SYTL2: variants seen among roughly 807,000 people sequenced by gnomAD.
The protein encoded by SYTL2 is synaptotagmin like 2.
A neutral mutation model predicts 198.7 loss-of-function variants in SYTL2; 165 were observed. The observed-to-expected ratio is 0.83, with a 90% CI of 0.73 to 0.94. The LOEUF (loss-of-function observed/expected upper bound fraction) is 0.94, where lower values mean the gene tolerates loss of function less well. SYTL2 is among the 40% of genes least tolerant of loss of function. The pLI, the probability that SYTL2 is intolerant of heterozygous loss-of-function variation, is 0.00. For missense variants in SYTL2, 2,835 were observed against 2,582.8 expected (o/e 1.10, Z -2.12); for synonymous variants, 966 against 917.7 (o/e 1.05, Z -0.95).
chr11:85,849,960 C>A, the SYTL2 span, among the ~76,000 whole-genome samples: 1 of 146,516 alleles, frequency 6.8e-6, no homozygotes, highest in Admixed American at 6.9e-5. Flanking sequence ...TCTTTTATTT[C>A]GTTGAGCAGT....
chr11:85,738,857 T>A (rs1299681598), intron 4 of SYTL2, among the ~76,000 whole-genome samples: 7 of 152,154 alleles, frequency 4.6e-5, no homozygotes, highest in African/African-American at 1.7e-4. Flanking sequence ...ATCTTTCTCC[T>A]TTCCCCTTCC....
At chr11:85,741,069 A>G (rs1208095962) in intron 4 of SYTL2, among the ~76,000 whole-genome samples, 1 of 149,776 alleles carries the variant, frequency 6.7e-6, no homozygotes, top group Non-Finnish European at 1.5e-5. Flanking sequence ...CCTTTTTCTG[A>G]GGTTTTTTTT....
intron 1 of SYTL2, among the ~76,000 whole-genome samples, chr11:85,789,400 A>ATATGTATATATATATATAT (rs2092698741): frequency 1.1e-5 from 1 of 89,362 alleles, no homozygotes; most frequent in Non-Finnish European, 2.1e-5. Flanking sequence ...ATATATATAT[A>ATATGTATATATATATATAT]ATTTTTTTTT....
intron 1 of SYTL2, among the ~76,000 whole-genome samples, chr11:85,765,013 T>C: frequency 6.6e-6 from 1 of 152,236 alleles, no homozygotes; most frequent in Admixed American, 6.5e-5. Flanking sequence ...TGTTTCTGTG[T>C]GGTCAGAGTC....
At chr11:85,853,399 C>G in the SYTL2 span, 13 of 424,532 alleles carry the variant, frequency 3.1e-5, no homozygotes, top group Admixed American at 8.3e-5. Context: ...GCTGTGTCCA[C>G]TCAGGGTTAA....
chr11:85,704,366 C>A (rs1028334340), intron 16 of SYTL2, among the ~76,000 whole-genome samples: 6 of 151,900 alleles, frequency 3.9e-5, no homozygotes, highest in Non-Finnish European at 5.9e-5. Flanking sequence ...TGTAATAAGA[C>A]AATCTCAAAT....
At chr11:85,711,389 G>C (rs2086251527) in intron 12 of SYTL2, among the ~76,000 whole-genome samples, 157 bp from the exon 13 acceptor site, 1 of 152,166 alleles carries the variant, frequency 6.6e-6, no homozygotes, top group South Asian at 2.1e-4. Context: ...ATTCAGGATG[G>C]AGTGGGTGGT....
At chr11:85,796,689 G>C (rs918595105) in intron 1 of SYTL2, among the ~76,000 whole-genome samples, 5 of 152,148 alleles carry the variant, frequency 3.3e-5, no homozygotes, top group Non-Finnish European at 5.9e-5. Flanking sequence ...CCCAAATGCA[G>C]CTTCTAAAAA....
chr11:85,727,292 T>A lies in SYTL2; in HGVS notation c.2066A>T (p.Asn689Ile). 1.3e-6 allele frequency: 2 copies of A among 1,535,396 alleles called. No homozygotes were observed. The highest frequency in any genetic ancestry group is 1.2e-5 in the South Asian group (1 of 83,830). ...TTCTTCTTCACCCAAGTTGCCAATA[T>A]TATTAGTGTTGCATGGAACTTGGTT... ...AENQVPCNTN[N>I]IGNLGEEEPK... is the part of the protein sequence containing the mutation. Residue 689 changes from asparagine to isoleucine, a missense_variant, in exon 8 of 20, where the codon AAT becomes ATT. This residue lies in a region of SYTL2 where 2,645 missense variants were observed against 2,381.7 expected (regional missense o/e 1.11). Transcript: ENST00000359152.
At chr11:85,802,376 C>T (rs988770666) in intron 1 of SYTL2, among the ~76,000 whole-genome samples, 1 of 151,812 alleles carries the variant, frequency 6.6e-6, no homozygotes, top group African/African-American at 2.4e-5. Context: ...TGCCCACCAC[C>T]AGGCCCAGCC....
At chr11:85,802,088 A>G (rs966369920) in intron 1 of SYTL2, among the ~76,000 whole-genome samples, 2 of 152,034 alleles carry the variant, frequency 1.3e-5, no homozygotes, top group Non-Finnish European at 2.9e-5. Context: ...TGCTGGGAAT[A>G]CAGGCATGGG....
the SYTL2 span, among the ~76,000 whole-genome samples, chr11:85,840,417 T>G: frequency 6.6e-6 from 1 of 152,176 alleles, no homozygotes; most frequent in African/African-American, 2.4e-5. Context: ...GTTTCATAGT[T>G]TGAGGGCTTG....
intron 1 of SYTL2, among the ~76,000 whole-genome samples, chr11:85,789,506 A>G (rs2092700614): frequency 6.7e-6 from 1 of 148,642 alleles, no homozygotes; most frequent in Non-Finnish European, 1.5e-5. Flanking sequence ...AAGTGTTGGG[A>G]TTACATGTAT....
At chr11:85,845,007 A>G in the SYTL2 span, among the ~76,000 whole-genome samples, 1 of 152,134 alleles carries the variant, frequency 6.6e-6, no homozygotes, top group Admixed American at 6.5e-5. Flanking sequence ...TTTTACCTCT[A>G]GGGCTTTGTG....
chr11:85,779,844 G>T (rs1039655748), intron 1 of SYTL2, among the ~76,000 whole-genome samples: 8 of 152,164 alleles, frequency 5.3e-5, no homozygotes, highest in African/African-American at 1.9e-4. Flanking sequence ...CTGAAGAGAG[G>T]GGCCATGATT....
At position 85,759,832 on chromosome 11, in the gene SYTL2, T is replaced by A. The variant is rs116716739; in HGVS notation, c.-389-1718A>T. Among the ~76,000 whole-genome samples, 612 of 152,320 alleles carry A rather than the reference T, an allele frequency of 4.0e-3. 5 individuals carry two copies. Among genetic ancestry groups the A allele is most frequent in the African/African-American group, 0.014 (584 of 41,570 alleles). On this transcript the variant is annotated intron_variant, in intron 1 of 19. Coordinates refer to ENST00000359152, the MANE Select transcript of SYTL2 (RefSeq NM_206927.4). ...CTACCTGCTTGTTCATCTTGAAAACTACTTACCCTTCAAGACAAATCAAAG... is the reference window on the plus strand; with the variant it reads ...CTACCTGCTTGTTCATCTTGAAAACAACTTACCCTTCAAGACAAATCAAAG...
intron 4 of SYTL2, among the ~76,000 whole-genome samples, chr11:85,739,719 A>C (rs2090643266): frequency 6.6e-6 from 1 of 152,180 alleles, no homozygotes; most frequent in African/African-American, 2.4e-5. Context: ...CATCTCACTT[A>C]TGAAAAAACT....
chr11:85,829,035 CA>C, the SYTL2 span, among the ~76,000 whole-genome samples: 2 of 138,136 alleles, frequency 1.4e-5, no homozygotes, highest in Non-Finnish European at 3.1e-5. Flanking sequence ...CCACCATACC[CA>C]AAAAAGAGCT....
intron 14 of SYTL2, among the ~76,000 whole-genome samples, chr11:85,708,753 G>A (rs1323351481): frequency 1.3e-5 from 2 of 150,516 alleles, no homozygotes; most frequent in Non-Finnish European, 2.9e-5. Context: ...TCTGGTCCTT[G>A]CGTTCTTATC....
Sources: gnomAD v4.1 joint callset for allele counts (sites outside exome capture counted in the v4.1 genomes callset) on GRCh38, gnomAD v4.1.1 for gene constraint, gnomAD v4.1.1 regional missense constraint, MANE v1.5 for transcripts, NCBI Gene and HGNC (gene_info 2026-07-23, HGNC 2026-07-21) for gene names.